The following IQCM variants were observed in gnomAD, a reference collection of about 807,000 sequenced individuals.
IQCM encodes IQ motif containing M.
A neutral mutation model predicts 57.6 loss-of-function variants in IQCM; 45 were observed. The ratio of observed to expected loss-of-function variants is 0.78; its 90% CI spans 0.62 to 1.00. The LOEUF (loss-of-function observed/expected upper bound fraction) is 1.00. Ranked by LOEUF, IQCM falls within the 50% of genes least tolerant of loss-of-function variation. The probability of loss-of-function intolerance (pLI) is 0.00; values close to 1 mark genes in which losing one functional copy is unlikely to be tolerated. For missense variants in IQCM, 468 were observed against 511.6 expected, an observed-to-expected ratio of 0.91 and a Z score of 0.82; for synonymous variants, 148 against 158.9, an observed-to-expected ratio of 0.93 and a Z score of 0.51.
intron 9 of IQCM, among the ~76,000 whole-genome samples, chr4:149,581,338 T>C (rs1413997229): frequency 1.3e-5 from 2 of 151,500 alleles, no homozygotes; most frequent in African/African-American, 4.8e-5. Context: ...TGCACAATAA[T>C]TTCACTATGA....
At chr4:149,695,531 C>T (rs900911718) in intron 5 of IQCM, among the ~76,000 whole-genome samples, 4 of 152,080 alleles carry the variant, frequency 2.6e-5, no homozygotes, top group Admixed American at 1.3e-4. Flanking sequence ...TGCAGACTCC[C>T]TTTTCAAGAG....
chr4:149,806,427 C>A (rs1419676920), intron 2 of IQCM, among the ~76,000 whole-genome samples: 2 of 151,900 alleles, frequency 1.3e-5, no homozygotes, highest in African/African-American at 4.8e-5. Context: ...GAACTTATTT[C>A]TCCTATGTAA....
intron 8 of IQCM, among the ~76,000 whole-genome samples, chr4:149,608,114 A>G (rs1754959677): frequency 6.6e-6 from 1 of 151,990 alleles, no homozygotes; most frequent in African/African-American, 2.4e-5. Context: ...AAAAAAGAGT[A>G]GGAATGGCTA....
intron 7 of IQCM, among the ~76,000 whole-genome samples, chr4:149,679,901 A>G: frequency 6.6e-6 from 1 of 151,388 alleles, no homozygotes; most frequent in East Asian, 1.9e-4. Flanking sequence ...AAAAATTAAC[A>G]ACCATAAAAA....
Position 149,413,379 on chromosome 4 carries a change from T to C in IQCM, c.1390+20017A>G, listed in dbSNP as rs561173664. Among the ~76,000 whole-genome samples the C allele has an allele frequency of 6.6e-5, 10 of 152,170 alleles. No individual in the cohort carries two copies. In the South Asian group the frequency reaches 2.1e-3, roughly 32 times the overall value. ...GAGCCCAGAGCGACTGTCCAGGAGA[T>C]AATGGGAACCTCAGCTAAACCTGTA... On this transcript the variant is annotated intron_variant, in intron 13 of 13. Transcript: ENST00000636793.
intron 12 of IQCM, among the ~76,000 whole-genome samples, chr4:149,503,629 A>G (rs949453449): frequency 2.6e-5 from 4 of 152,298 alleles, no homozygotes; most frequent in South Asian, 4.1e-4. Flanking sequence ...ATTTTTCTAT[A>G]AATTTTTTTT....
rs570251558 is a variant in IQCM at position 149,751,654 on chromosome 4, A to T, written c.-48-8915T>A. On this transcript the variant is annotated intron_variant, in intron 2 of 13. Coordinates refer to ENST00000636793, the MANE Select transcript of IQCM (RefSeq NM_001363507.2). ...ACCAAATGAATGAATGTCTAAAAAC[A>T]TTTATGACAGGTCTACACCTGGTCC... Among the ~76,000 whole-genome samples, 13 of 152,288 alleles carry T rather than the reference A, an allele frequency of 8.5e-5. 1 individual carries two copies. The East Asian group carries it at 2.5e-3, about 29-fold the overall frequency.
At position 149,733,288 on chromosome 4, in the gene IQCM, A is replaced by G; in HGVS notation, c.341T>C (p.Phe114Ser). Residue 114 changes from phenylalanine to serine, a missense_variant, in exon 5 of 14, where the codon TTT becomes TCT. Coordinates refer to ENST00000636793, the MANE Select transcript of IQCM (RefSeq NM_001363507.2). Reference protein sequence around the residue: ...QRISFKEPHIFSRRERCRPID... With the variant: ...QRISFKEPHISSRRERCRPID... Reference sequence around the variant, plus strand: ...GGGCCTGCATCTTTCTCTTCTACTAAAAATGTGTGGTTCCTTGAAGGAGAT... The same window carrying G: ...GGGCCTGCATCTTTCTCTTCTACTAGAAATGTGTGGTTCCTTGAAGGAGAT... 8.1e-7 allele frequency: 1 copy of G among 1,231,750 alleles called. No individual in the cohort carries two copies. The highest frequency in any genetic ancestry group is 1.0e-6 in the Non-Finnish European group (1 of 987,726). 76.3% of individuals were successfully genotyped at this position (1,231,750 alleles called of 1,614,324 possible). A position where few individuals can be genotyped will look rare whatever the true frequency, so the allele number is the denominator to read the frequency against.
rs978033833 is a variant in IQCM at position 149,352,052 on chromosome 4, C to A, written c.1405G>T (p.Ala469Ser). The stretch of plus-strand genomic sequence containing the variant: ...ACCCGGATGTTAGCTCGTTTGAGTG[C>A]TGGATGTCCATTTACTATAATACAA... ...GYRYIVNGHP[A>S]LKRANIRVVG... is the part of the protein sequence containing the mutation. The change falls in exon 14 of 14, where the codon GCA (alanine) becomes TCA (serine). Residue 469 changes from alanine (A) to serine (S), a missense_variant. Transcript: ENST00000636793. 4 of 398,796 alleles carry A rather than the reference C, an allele frequency of 1.0e-5. No homozygotes were observed. Among genetic ancestry groups the A allele is most frequent in the Non-Finnish European group, 1.8e-5 (4 of 226,012 alleles). 24.7% of individuals were successfully genotyped at this position (398,796 alleles called of 1,614,324 possible). A position where few individuals can be genotyped will look rare whatever the true frequency, so the allele number is the denominator to read the frequency against.
chr4:149,711,888 C>T (rs1474863188), intron 5 of IQCM, among the ~76,000 whole-genome samples: 1 of 152,138 alleles, frequency 6.6e-6, no homozygotes, highest in African/African-American at 2.4e-5. Context: ...GTGAATGCCT[C>T]TACAGTAAGC....
chr4:149,396,061 G>T (rs1467083941), intron 13 of IQCM, among the ~76,000 whole-genome samples: 1 of 151,586 alleles, frequency 6.6e-6, no homozygotes, highest in Non-Finnish European at 1.5e-5. Flanking sequence ...AACAGATAAA[G>T]GTCAACATGT....
Position 149,564,030 on chromosome 4 carries a change from A to T in IQCM, c.750-140T>A, listed in dbSNP as rs190907654. ...TACATAGAATTCAATGTATGATATC[A>T]CCAGGACATGTCAATAAGGACCTCC... On this transcript the variant is annotated intron_variant, in intron 9 of 13. Transcript: ENST00000636793. 6.0e-4 allele frequency: 267 copies of T among 446,824 alleles called. 1 individual carries two copies. Among genetic ancestry groups the T allele is most frequent in the Non-Finnish European group, 6.2e-4 (169 of 273,202 alleles). 27.7% of individuals were successfully genotyped at this position (446,824 alleles called of 1,614,324 possible). A position where few individuals can be genotyped will look rare whatever the true frequency, so the allele number is the denominator to read the frequency against.
intron 7 of IQCM, among the ~76,000 whole-genome samples, chr4:149,622,827 T>C (rs1251402053): frequency 1.3e-5 from 2 of 152,106 alleles, no homozygotes; most frequent in Non-Finnish European, 2.9e-5. Context: ...ACCTACCCAC[T>C]CCCCTTAATG....
chr4:149,505,019 C>T (rs1344917465), intron 12 of IQCM, among the ~76,000 whole-genome samples: 1 of 152,122 alleles, frequency 6.6e-6, no homozygotes, highest in Non-Finnish European at 1.5e-5. Context: ...GATTCCCCAA[C>T]CTCTAGACCT....
intron 8 of IQCM, among the ~76,000 whole-genome samples, chr4:149,596,004 G>C (rs1396238051): frequency 6.6e-6 from 1 of 152,134 alleles, no homozygotes; most frequent in Non-Finnish European, 1.5e-5. Context: ...AGATGACACA[G>C]AAAAATACAT....
chr4:149,713,249 C>G (rs561990295), intron 5 of IQCM, among the ~76,000 whole-genome samples: 1 of 152,230 alleles, frequency 6.6e-6, no homozygotes, highest in Non-Finnish European at 1.5e-5. Flanking sequence ...ATACTACCAC[C>G]TTTTTACCCT....
At chr4:149,435,441 C>A (rs1216252956) in intron 12 of IQCM, among the ~76,000 whole-genome samples, 3 of 151,968 alleles carry the variant, frequency 2.0e-5, no homozygotes, top group Non-Finnish European at 4.4e-5. Flanking sequence ...TACTGCACTG[C>A]CAGTAATATT....
At chr4:149,798,355 A>C (rs1773305456) in intron 2 of IQCM, among the ~76,000 whole-genome samples, 1 of 152,110 alleles carries the variant, frequency 6.6e-6, no homozygotes. Context: ...TACACAAAAA[A>C]TATAAAGCAA....
chr4:149,430,032 G>A (rs1560828217), intron 13 of IQCM: 1 of 1,227,548 alleles, frequency 8.1e-7, no homozygotes, highest in Non-Finnish European at 1.0e-6. Flanking sequence ...GTGGAAAACT[G>A]CAGAGAAAAT....
Sources: gnomAD v4.1 joint callset for allele counts (sites outside exome capture counted in the v4.1 genomes callset) on GRCh38, gnomAD v4.1.1 for gene constraint, MANE v1.5 for transcripts, NCBI Gene and HGNC (gene_info 2026-07-23, HGNC 2026-07-21) for gene names.